The following TCHP variants were observed in gnomAD, a reference collection of about 807,000 sequenced individuals.
TCHP encodes trichoplein keratin filament-binding protein.
In TCHP, 81 loss-of-function variants were observed where a neutral mutation model predicts 88.7. That is an observed-to-expected ratio of 0.91 (90% CI 0.76 to 1.10). The LOEUF is 1.10. Among genes scored for constraint, TCHP ranks in the 50% least tolerant of loss-of-function variants. The pLI, the probability that TCHP is intolerant of heterozygous loss-of-function variation, is 0.00. For synonymous variants in TCHP, 232 were observed against 232.5 expected (o/e 1.00, Z 0.02); for missense variants, 641 against 632.1 (o/e 1.01, Z -0.15).
At chr12:109,896,083 A>G (rs1437621162), upstream of TCHP, among the ~76,000 whole-genome samples, 1 of 152,198 alleles carries the variant, frequency 6.6e-6, no homozygotes, top group East Asian at 1.9e-4. Context: ...AGTAGCTGGG[A>G]CTACAGGCAC....
intron 6 of TCHP, among the ~76,000 whole-genome samples, chr12:109,908,270 G>C (rs528643398): frequency 1.5e-4 from 23 of 152,238 alleles, no homozygotes; most frequent in Non-Finnish European, 3.1e-4. Context: ...ACTAGAGATA[G>C]AGCCTGACCA....
chr12:109,895,607 C>G (rs989120723), upstream of TCHP, among the ~76,000 whole-genome samples: 1 of 152,020 alleles, frequency 6.6e-6, no homozygotes, highest in Admixed American at 6.6e-5. Flanking sequence ...TCTACTTCTG[C>G]GGTCTTGTCT....
chr12:109,915,953 G>C (rs1870798924), intron 12 of TCHP, among the ~76,000 whole-genome samples: 1 of 151,952 alleles, frequency 6.6e-6, no homozygotes, highest in South Asian at 2.1e-4. Flanking sequence ...CCCTCCTGTG[G>C]GTGTCCTCTT....
At chr12:109,911,614 A>AAC (rs1333025655) in intron 9 of TCHP, among the ~76,000 whole-genome samples, 1 of 148,616 alleles carries the variant, frequency 6.7e-6, no homozygotes, top group African/African-American at 2.5e-5. Flanking sequence ...TCTGTCTCAA[A>AAC]AAAAAAAAAA....
chr12:109,893,529 T>C, the TCHP span, among the ~76,000 whole-genome samples: 3 of 152,208 alleles, frequency 2.0e-5, no homozygotes, highest in African/African-American at 7.2e-5. Flanking sequence ...TACTTCTTTA[T>C]GCTGGTGGCT....
At chr12:109,904,656 T>A in intron 3 of TCHP, 81 bp from the exon 4 acceptor site, 1 of 1,325,088 alleles carries the variant, frequency 7.5e-7, no homozygotes, top group Non-Finnish European at 1.1e-6. Context: ...TAGCCTGAGC[T>A]GACTTCCACT....
the TCHP span, among the ~76,000 whole-genome samples, chr12:109,884,128 G>T: frequency 6.6e-6 from 1 of 152,190 alleles, no homozygotes; most frequent in African/African-American, 2.4e-5. Flanking sequence ...GGAGTTGGAG[G>T]CTGCAGTGAG....
the TCHP span, among the ~76,000 whole-genome samples, chr12:109,892,900 C>T: frequency 6.6e-6 from 1 of 152,170 alleles, no homozygotes; most frequent in Non-Finnish European, 1.5e-5. Flanking sequence ...TGAGTCTCCT[C>T]CTCTTTGTGG....
chr12:109,904,106 C>T lies in TCHP; in HGVS notation c.358C>T (p.His120Tyr). ...GCAGGAAAGAAGAATCCGGGAGCAG[C>T]ACGGGAAGCTGAAATCAGCCAAAGA... ...NLQERRIREQ[H>Y]GKLKSAKEEQ... The change falls in exon 3 of 13, where the codon CAC (histidine) becomes TAC (tyrosine). Residue 120 changes from histidine to tyrosine, a missense_variant. By Grantham distance (83) the His-to-Tyr change is moderately conservative (BLOSUM62 2). Transcript: ENST00000405876. 1.3e-6 allele frequency: 2 copies of T among 1,589,036 alleles called. No individual in the cohort carries two copies. The highest frequency in any genetic ancestry group is 1.7e-6 in the Non-Finnish European group (2 of 1,167,412).
At chr12:109,902,429 G>A (rs1869854941) in intron 1 of TCHP, among the ~76,000 whole-genome samples, 1 of 152,110 alleles carries the variant, frequency 6.6e-6, no homozygotes, top group African/African-American at 2.4e-5. Flanking sequence ...CCAAAGTGTT[G>A]GGATTACAGG....
chr12:109,909,380 CTCTG>C (rs1295329784), intron 8 of TCHP, among the ~76,000 whole-genome samples: 4 of 152,342 alleles, frequency 2.6e-5, no homozygotes, highest in South Asian at 2.1e-4. Context: ...CACCTGCAAT[CTCTG>C]TCTATCCCCA....
At chr12:109,891,643 C>T in the TCHP span, among the ~76,000 whole-genome samples, 1 of 151,928 alleles carries the variant, frequency 6.6e-6, no homozygotes, top group African/African-American at 2.4e-5. Context: ...TCAAGTGATC[C>T]ACCTGCCTTG....
At chr12:109,915,175 C>G (rs1347434816) in intron 11 of TCHP, 2 of 603,780 alleles carry the variant, frequency 3.3e-6, no homozygotes, top group Non-Finnish European at 5.8e-6. Flanking sequence ...CAGCTTTCCA[C>G]GAGGTAAGCG....
At chr12:109,901,452 G>A (rs1869789360) in intron 1 of TCHP, among the ~76,000 whole-genome samples, 1 of 152,020 alleles carries the variant, frequency 6.6e-6, no homozygotes, top group Admixed American at 6.6e-5. Context: ...AAGACATCAA[G>A]GACTCCTTAC....
chr12:109,889,005 G>C, the TCHP span, among the ~76,000 whole-genome samples: 1 of 151,296 alleles, frequency 6.6e-6, no homozygotes, highest in African/African-American at 2.4e-5. Context: ...AGACCAGCCT[G>C]GGCAACATAG....
the TCHP span, among the ~76,000 whole-genome samples, chr12:109,887,421 A>C: frequency 2.0e-5 from 3 of 151,722 alleles, no homozygotes. Flanking sequence ...AAAAAAAAAA[A>C]ACAAAAAAAA....
intron 9 of TCHP, 25 bp downstream of exon 9, chr12:109,911,260 T>A: frequency 7.5e-7 from 1 of 1,334,760 alleles, no homozygotes; most frequent in Non-Finnish European, 1.0e-6. Context: ...CTGACTGGGC[T>A]GGATGCTCCT....
At chr12:109,898,943 C>A (rs957117996), upstream of TCHP, among the ~76,000 whole-genome samples, 2 of 152,168 alleles carry the variant, frequency 1.3e-5, no homozygotes, top group Non-Finnish European at 2.9e-5. Context: ...CTCAGCCTCC[C>A]GAGTAGCTGG....
At chr12:109,886,615 T>C in the TCHP span, among the ~76,000 whole-genome samples, 3 of 152,158 alleles carry the variant, frequency 2.0e-5, no homozygotes, top group Non-Finnish European at 4.4e-5. Context: ...ACCAGCCATT[T>C]CTCCAAAAAG....
Sources: allele counts gnomAD v4.1 joint callset (sites outside exome capture counted in the v4.1 genomes callset), GRCh38; gene constraint gnomAD v4.1.1; transcripts MANE v1.5; gene names NCBI Gene and HGNC (gene_info 2026-07-23, HGNC 2026-07-21).